Variants in DOK6 observed in about 807,000 individuals in gnomAD.
The protein encoded by DOK6 is docking protein 6, also known as downstream of tyrosine kinase 6.
A neutral mutation model predicts 44.0 loss-of-function variants in DOK6; 22 were observed. The ratio of observed to expected loss-of-function variants is 0.50; its 90% CI spans 0.36 to 0.71. The LOEUF (loss-of-function observed/expected upper bound fraction) is 0.71. DOK6 is among the 30% of genes least tolerant of loss of function. The pLI, the probability that DOK6 is intolerant of heterozygous loss-of-function variation, is 0.00. For missense variants in DOK6, 340 were observed against 416.4 expected (o/e 0.82, Z 1.60); for synonymous variants, 166 against 145.5 (o/e 1.14, Z -1.01).
intron 7 of DOK6, among the ~76,000 whole-genome samples, chr18:69,840,350 T>C (rs538970279): frequency 2.6e-5 from 4 of 152,308 alleles, no homozygotes; most frequent in African/African-American, 9.6e-5. Context: ...ATCCATTAGA[T>C]ACAAGTCATT....
chr18:69,407,269 AG>A lies in DOK6; in HGVS notation c.66+5961del, dbSNP rs566669549. Among the ~76,000 whole-genome samples, 35 of 152,372 alleles carry A rather than the reference AG, an allele frequency of 2.3e-4. No homozygotes were observed. In the East Asian group the frequency reaches 6.7e-3, roughly 29 times the overall value. ...AATTTTAGAAACTGTAGAAGATAAAAGGTATGCAATACAAACAAAATTGAAA... is the reference window on the plus strand; with the variant it reads ...AATTTTAGAAACTGTAGAAGATAAAAGTATGCAATACAAACAAAATTGAAA... On this transcript the variant is annotated intron_variant, in intron 1 of 7. Coordinates refer to ENST00000382713, the MANE Select transcript of DOK6 (RefSeq NM_152721.6).
intron 1 of DOK6, among the ~76,000 whole-genome samples, chr18:69,462,844 C>A (rs545176381): frequency 6.6e-6 from 1 of 152,252 alleles, no homozygotes; most frequent in African/African-American, 2.4e-5. Context: ...GTAACTCAAG[C>A]CATTAAGAAA....
intron 1 of DOK6, among the ~76,000 whole-genome samples, chr18:69,440,734 G>C (rs992359775): frequency 3.8e-5 from 5 of 130,724 alleles, no homozygotes; most frequent in Non-Finnish European, 6.5e-5. Context: ...TGTGATTTTT[G>C]TTCTTTTATA....
chr18:69,794,320 C>A (rs188353255), intron 7 of DOK6, among the ~76,000 whole-genome samples: 3 of 152,306 alleles, frequency 2.0e-5, no homozygotes, highest in Middle Eastern at 3.4e-3. Context: ...GGTAAGCACC[C>A]TGCCAGAGGT....
At chr18:69,617,032 T>C (rs1389596493) in intron 3 of DOK6, among the ~76,000 whole-genome samples, 2 of 152,168 alleles carry the variant, frequency 1.3e-5, no homozygotes, top group Admixed American at 6.5e-5. Context: ...AGTAGTACAA[T>C]AGATCTCAGG....
intron 3 of DOK6, among the ~76,000 whole-genome samples, chr18:69,604,422 A>G (rs1291244994): frequency 6.6e-6 from 1 of 152,210 alleles, no homozygotes; most frequent in Non-Finnish European, 1.5e-5. Context: ...CTTCCCAGAG[A>G]AGAATTTCCT....
chr18:69,667,960 A>C (rs574131422), intron 3 of DOK6, among the ~76,000 whole-genome samples: 1 of 152,266 alleles, frequency 6.6e-6, no homozygotes, highest in East Asian at 1.9e-4. Flanking sequence ...TCAATAACTA[A>C]TAAGAATCTG....
At chr18:69,405,743 C>T (rs1009732936) in intron 1 of DOK6, among the ~76,000 whole-genome samples, 3 of 152,142 alleles carry the variant, frequency 2.0e-5, no homozygotes, top group Non-Finnish European at 4.4e-5. Flanking sequence ...TCTTGCATGG[C>T]ATGCATTACC....
chr18:69,484,246 A>C (rs923481136), intron 1 of DOK6, among the ~76,000 whole-genome samples: 1 of 150,808 alleles, frequency 6.6e-6, no homozygotes, highest in Non-Finnish European at 1.5e-5. Flanking sequence ...TTTCTATGTA[A>C]TACGTATATG....
chr18:69,612,410 GGCGC>G (rs1568311213), intron 3 of DOK6, among the ~76,000 whole-genome samples: 2 of 146,482 alleles, frequency 1.4e-5, no homozygotes, highest in East Asian at 3.9e-4. Flanking sequence ...TGTGTGCGAG[GGCGC>G]ATGTGTGCGA....
chr18:69,760,587 T>G (rs1979519350), intron 7 of DOK6, among the ~76,000 whole-genome samples: 1 of 152,148 alleles, frequency 6.6e-6, no homozygotes, highest in Admixed American at 6.6e-5. Context: ...GCTTGACCTC[T>G]TGAATTCGGG....
intron 5 of DOK6, among the ~76,000 whole-genome samples, chr18:69,717,648 C>T (rs944822426): frequency 6.6e-6 from 1 of 152,120 alleles, no homozygotes; most frequent in African/African-American, 2.4e-5. Context: ...GTGTAACTGG[C>T]AAGCCAAAGT....
chr18:69,610,316 A>G (rs1568310558), intron 3 of DOK6, among the ~76,000 whole-genome samples: 1 of 152,218 alleles, frequency 6.6e-6, no homozygotes, highest in African/African-American at 2.4e-5. Context: ...TTGCTATTAA[A>G]TAAACATGCG....
chr18:69,754,537 T>G (rs1192549767), intron 6 of DOK6, among the ~76,000 whole-genome samples: 1 of 152,170 alleles, frequency 6.6e-6, no homozygotes, highest in Non-Finnish European at 1.5e-5. Flanking sequence ...TTGCTCAGCC[T>G]GCTATAACAA....
At chr18:69,768,691 A>G (rs757601299) in intron 7 of DOK6, among the ~76,000 whole-genome samples, 1 of 151,176 alleles carries the variant, frequency 6.6e-6, no homozygotes, top group Non-Finnish European at 1.5e-5. Context: ...GGAAATTAAC[A>G]TCCTTAAAAT....
At chr18:69,725,551 G>A (rs1024397394) in intron 5 of DOK6, among the ~76,000 whole-genome samples, 57 of 152,094 alleles carry the variant, frequency 3.7e-4, no homozygotes, top group East Asian at 1.9e-4. Context: ...GCAGTGGCAC[G>A]ATCTCGGCTC....
intron 1 of DOK6, among the ~76,000 whole-genome samples, chr18:69,510,790 C>A (rs1354144588): frequency 6.6e-6 from 1 of 152,060 alleles, no homozygotes; most frequent in Non-Finnish European, 1.5e-5. Flanking sequence ...AGTAAAATAA[C>A]TTTAGTAATT....
chr18:69,663,742 A>T (rs1006327328), intron 3 of DOK6, among the ~76,000 whole-genome samples: 9 of 152,158 alleles, frequency 5.9e-5, no homozygotes, highest in African/African-American at 1.9e-4. Context: ...ACTGAAGGCA[A>T]CCAGTGAAGG....
Position 69,843,767 on chromosome 18 carries a change from T to C in DOK6, c.*2384T>C, listed in dbSNP as rs1226921155. 1 of 151,998 alleles carries C rather than the reference T, an allele frequency of 6.6e-6. No individual in the cohort carries two copies. Among genetic ancestry groups the C allele is most frequent in the Non-Finnish European group, 1.5e-5 (1 of 68,004 alleles). The allele number at this position is 151,998 out of a possible 1,614,324, so 9.4% of individuals were successfully genotyped here. On this transcript the variant is annotated 3_prime_UTR_variant, in exon 8 of 8. Coordinates refer to ENST00000382713, the MANE Select transcript of DOK6 (RefSeq NM_152721.6). ...TCTGAAAATGATGTCGTAAAAAGAG[T>C]ATGTGTGAGAGAAATCTCCTTCCCA...
Sources: gnomAD v4.1 joint callset for allele counts (sites outside exome capture counted in the v4.1 genomes callset) on GRCh38, gnomAD v4.1.1 for gene constraint, MANE v1.5 for transcripts, NCBI Gene and HGNC (gene_info 2026-07-23, HGNC 2026-07-21) for gene names.